Variants in PLCL1 observed in about 807,000 individuals in gnomAD.
PLCL1 encodes phospholipase C like 1 (inactive).
A neutral mutation model predicts 84.4 loss-of-function variants in PLCL1; 41 were observed. The ratio of observed to expected loss-of-function variants is 0.49; its 90% confidence interval spans 0.38 to 0.63. The LOEUF is 0.63. Among genes scored for constraint, PLCL1 ranks in the 30% least tolerant of loss-of-function variants. PLCL1 has a pLI of 0.00. For missense variants in PLCL1, 1,206 were observed against 1,367.8 expected (o/e 0.88, Z 1.87); for synonymous variants, 490 against 488.3 (o/e 1.00, Z -0.05).
intron 1 of PLCL1, among the ~76,000 whole-genome samples, chr2:197,850,888 T>C (rs923781431): frequency 6.6e-6 from 1 of 152,206 alleles, no homozygotes; most frequent in Non-Finnish European, 1.5e-5. Context: ...TTCATGGCCA[T>C]GAAGAAGACA....
At chr2:198,125,117 A>G in intron 5 of PLCL1, among the ~76,000 whole-genome samples, 1 of 152,152 alleles carries the variant, frequency 6.6e-6, no homozygotes, top group South Asian at 2.1e-4. Flanking sequence ...TGCAAAGTCA[A>G]GAAAGAGGGC....
At chr2:198,055,232 A>G (rs1692033394) in intron 1 of PLCL1, among the ~76,000 whole-genome samples, 2 of 150,834 alleles carry the variant, frequency 1.3e-5, no homozygotes, top group South Asian at 4.2e-4. Context: ...AAATGCATAA[A>G]CCAATTGATT....
intron 5 of PLCL1, among the ~76,000 whole-genome samples, chr2:198,109,208 CT>C (rs1188234906): frequency 6.6e-6 from 1 of 151,830 alleles, no homozygotes; most frequent in Admixed American, 6.6e-5. Context: ...ACAGTCTCTT[CT>C]TCCAAGATGG....
chr2:198,141,997 T>C (rs1175128144), intron 5 of PLCL1, among the ~76,000 whole-genome samples: 1 of 152,124 alleles, frequency 6.6e-6, no homozygotes, highest in African/African-American at 2.4e-5. Context: ...ATGAGAACAC[T>C]AGTTATGATG....
intron 1 of PLCL1, among the ~76,000 whole-genome samples, chr2:197,849,585 T>C (rs1373234148): frequency 6.6e-6 from 1 of 152,194 alleles, no homozygotes; most frequent in Non-Finnish European, 1.5e-5. Flanking sequence ...TTTTCTCCCC[T>C]GCTTACAAAA....
chr2:197,916,646 G>A (rs1370748382), intron 1 of PLCL1, among the ~76,000 whole-genome samples: 1 of 151,798 alleles, frequency 6.6e-6, no homozygotes, highest in Non-Finnish European at 1.5e-5. Flanking sequence ...ATGGTTAAGA[G>A]AGCAGGCTTT....
intron 1 of PLCL1, among the ~76,000 whole-genome samples, chr2:198,000,921 C>T (rs1041928167): frequency 2.0e-5 from 3 of 152,094 alleles, no homozygotes; most frequent in Non-Finnish European, 2.9e-5. Flanking sequence ...ATCCTGTTAA[C>T]GAGTCATCAT....
Position 198,084,055 on chromosome 2 carries a change from C to A in PLCL1, c.538C>A (p.Leu180Ile). Residue 180 changes from leucine (L) to isoleucine (I), a missense_variant, in exon 2 of 6, where the codon CTT (leucine) becomes ATT (isoleucine). Leu to Ile is a conservative substitution (Grantham distance 5). Transcript: ENST00000428675. Reference sequence around the variant, plus strand: ...CACGGAAACATTTAGAAACAATGGCCTTGCTGACCAGATCTGTGAGGACTG... The same window carrying A: ...CACGGAAACATTTAGAAACAATGGCATTGCTGACCAGATCTGTGAGGACTG... ...KNTETFRNNGLADQICEDCAF... is the reference protein window; with the variant it reads ...KNTETFRNNGIADQICEDCAF... 4 of 1,614,166 alleles carry A rather than the reference C, an allele frequency of 2.5e-6. No individual in the cohort carries two copies. The highest frequency in any genetic ancestry group is 3.4e-6 in the Non-Finnish European group (4 of 1,180,010).
intron 1 of PLCL1, among the ~76,000 whole-genome samples, chr2:197,867,867 A>T (rs907345102): frequency 2.0e-5 from 3 of 151,858 alleles, no homozygotes; most frequent in Non-Finnish European, 4.4e-5. Flanking sequence ...AAATACTCAT[A>T]AAAAAAATTG....
chr2:197,916,525 T>C (rs917147075), intron 1 of PLCL1, among the ~76,000 whole-genome samples: 34 of 152,190 alleles, frequency 2.2e-4, no homozygotes, highest in Admixed American at 2.2e-3. Flanking sequence ...TACACTTATA[T>C]ATGTACAATG....
intron 1 of PLCL1, among the ~76,000 whole-genome samples, chr2:197,875,844 C>T: frequency 6.6e-6 from 1 of 152,052 alleles, no homozygotes; most frequent in East Asian, 1.9e-4. Flanking sequence ...TTGTTCCCAG[C>T]AGATGTGTGA....
rs1689149246 is a variant in PLCL1, at chr2:197,941,061, A to G, written c.240+135722A>G. ...CATTATCTAAAGTTGCAGGGAGCCC[A>G]TATCTTGCTGAAAGTTCTACAAGAA... On this transcript the variant is annotated intron_variant, in intron 1 of 5. Transcript: ENST00000428675. Among the ~76,000 whole-genome samples the G allele has an allele frequency of 3.9e-5, 6 of 152,346 alleles. No individual in the cohort carries two copies. The South Asian group carries it at 6.2e-4, about 16-fold the overall frequency.
At chr2:197,910,165 A>G (rs1035832174) in intron 1 of PLCL1, among the ~76,000 whole-genome samples, 3 of 152,182 alleles carry the variant, frequency 2.0e-5, no homozygotes, top group Admixed American at 6.5e-5. Context: ...CTTCTTAGGA[A>G]AGCAAGTGTT....
intron 1 of PLCL1, among the ~76,000 whole-genome samples, chr2:197,947,607 T>C (rs1190630213): frequency 1.3e-5 from 2 of 152,094 alleles, no homozygotes; most frequent in Non-Finnish European, 2.9e-5. Context: ...AAGCTGTTTG[T>C]GGTTTGAAGA....
chr2:198,115,798 A>G (rs1373070554), intron 5 of PLCL1, among the ~76,000 whole-genome samples: 1 of 151,618 alleles, frequency 6.6e-6, no homozygotes, highest in East Asian at 1.9e-4. Context: ...GTATGGGGGA[A>G]ACCACCCCCA....
chr2:197,939,804 A>G (rs563332418), intron 1 of PLCL1, among the ~76,000 whole-genome samples: 1 of 144,990 alleles, frequency 6.9e-6, no homozygotes, highest in South Asian at 2.2e-4. Context: ...TTAATCGGCC[A>G]CTGTCTTCCC....
chr2:198,071,705 A>T (rs955464819), intron 1 of PLCL1, among the ~76,000 whole-genome samples: 6 of 151,968 alleles, frequency 3.9e-5, no homozygotes, highest in African/African-American at 1.2e-4. Context: ...TCAATTTTTT[A>T]AAAAATATCA....
At chr2:198,100,812 G>A (rs1016499598) in intron 3 of PLCL1, among the ~76,000 whole-genome samples, 1 of 151,924 alleles carries the variant, frequency 6.6e-6, no homozygotes, top group Non-Finnish European at 1.5e-5. Context: ...TGGGAGTGGG[G>A]TGGGGGAGAG....
chr2:197,985,094 G>T lies in PLCL1; in HGVS notation c.241-98664G>T, dbSNP rs1690193714. Reference sequence around the variant, plus strand: ...TTTTTGAGGCATTTAGAAATTCCCAGATGTACTACCATGGGCAGCTGAATG... The same window carrying T: ...TTTTTGAGGCATTTAGAAATTCCCATATGTACTACCATGGGCAGCTGAATG... On this transcript the variant is annotated intron_variant, in intron 1 of 5. Transcript: ENST00000428675. Among the ~76,000 whole-genome samples the T allele has an allele frequency of 2.0e-5, 3 of 152,256 alleles. No homozygotes were observed. The South Asian group carries it at 6.2e-4, about 32-fold the overall frequency.
Sources: allele counts gnomAD v4.1 joint callset (sites outside exome capture counted in the v4.1 genomes callset), GRCh38; gene constraint gnomAD v4.1.1; transcripts MANE v1.5; gene names NCBI Gene and HGNC (gene_info 2026-07-23, HGNC 2026-07-21).